PITPNM3: variants seen among roughly 807,000 people sequenced by gnomAD.
PITPNM3 encodes the protein PITPNM family member 3, also known as membrane-associated phosphatidylinositol transfer protein 3.
Under a neutral mutation model 102.0 loss-of-function variants are expected in PITPNM3, and 26 were observed. The ratio of observed to expected loss-of-function variants is 0.25; its 90% CI spans 0.19 to 0.35. PITPNM3 has a LOEUF of 0.35. Ranked by LOEUF, PITPNM3 falls within the 10% of genes least tolerant of loss-of-function variation. PITPNM3 has a pLI of 1.00. For synonymous variants in PITPNM3, 578 were observed against 558.6 expected, an observed-to-expected ratio of 1.03 and a Z score of -0.49; for missense variants, 1,083 against 1,346.1, an observed-to-expected ratio of 0.80 and a Z score of 3.06.
At chr17:6,495,467 G>A (rs754548948) in intron 4 of PITPNM3, among the ~76,000 whole-genome samples, 10 of 152,156 alleles carry the variant, frequency 6.6e-5, no homozygotes, top group Admixed American at 1.3e-4. Context: ...GGGTGGAGGA[G>A]AGAGTCTTCT....
At chr17:6,539,267 G>A (rs1188070165) in intron 1 of PITPNM3, among the ~76,000 whole-genome samples, 4 of 152,164 alleles carry the variant, frequency 2.6e-5, no homozygotes, top group Admixed American at 1.3e-4. Flanking sequence ...TACTGCAAGG[G>A]GGGTCTGAGA....
chr17:6,516,512 C>T (rs1244773858), intron 3 of PITPNM3, among the ~76,000 whole-genome samples: 6 of 142,676 alleles, frequency 4.2e-5, no homozygotes, highest in Admixed American at 7.7e-5. Flanking sequence ...TGCAGTGAGC[C>T]GAGATGGTGC....
Position 6,457,569 on chromosome 17 carries a change from CGCCTCCA to C in PITPNM3, c.2619+18_2619+24del. ...TTCCCTGACCTCCCTCACAACTCCC[CGCCTCCA>C]GCCCCGCCTCCACCCACCTGGCACT... On this transcript the variant is annotated intron_variant, in intron 19 of 19. Transcript: ENST00000262483. This position sits in a 1 kb window ranked among gnomAD's most constrained non-coding sequence, Gnocchi z 4.7. The C allele has an allele frequency of 6.2e-7, 1 of 1,611,898 alleles. No homozygotes were observed. Among genetic ancestry groups the C allele is most frequent in the Non-Finnish European group, 8.5e-7 (1 of 1,179,536 alleles).
rs1326590656 is a variant in PITPNM3 at position 6,472,960 on chromosome 17, C to G, written c.1259-133G>C. ...GCCTCCCCGGGCTCCCTGCTCCCCA[C>G]GGGAACAAAGCCATTACGTTCAGTT... On this transcript the variant is annotated intron_variant, in intron 10 of 19. Coordinates refer to ENST00000262483, the MANE Select transcript of PITPNM3 (RefSeq NM_031220.4). The surrounding 1 kb of genome is among the most constrained non-coding windows in gnomAD (Gnocchi z 4.1). 4 of 1,112,636 alleles carry G rather than the reference C, an allele frequency of 3.6e-6. No individual in the cohort carries two copies. In the South Asian group the frequency reaches 5.4e-5, roughly 15 times the overall value. 68.9% of individuals were successfully genotyped at this position (1,112,636 alleles called of 1,614,324 possible).
chr17:6,521,783 C>T lies in PITPNM3; in HGVS notation c.226+3573G>A, dbSNP rs116483760. ...AGATCCGTGAATCCCATGAGTCAGACGAATAAAGAAAGAGGCTCCAGGGCC... is the reference window on the plus strand; with the variant it reads ...AGATCCGTGAATCCCATGAGTCAGATGAATAAAGAAAGAGGCTCCAGGGCC... On this transcript the variant is annotated intron_variant, in intron 3 of 19. Coordinates refer to ENST00000262483, the MANE Select transcript of PITPNM3 (RefSeq NM_031220.4). 6.9e-3 allele frequency among the ~76,000 whole-genome samples: 1,056 copies of T among 152,186 alleles called. 11 individuals are homozygous for T. The highest frequency in any genetic ancestry group is 0.024 in the African/African-American group (983 of 41,524).
chr17:6,544,654 T>TCTCTCTCTCTCACACACA (rs376230474), intron 1 of PITPNM3, among the ~76,000 whole-genome samples: 169 of 130,256 alleles, frequency 1.3e-3, no homozygotes, highest in African/African-American at 4.7e-3. Context: ...TCTCTCTCTC[T>TCTCTCTCTCTCACACACA]CACACACACA....
chr17:6,507,567 G>C (rs1158105583), intron 3 of PITPNM3, among the ~76,000 whole-genome samples: 1 of 150,706 alleles, frequency 6.6e-6, no homozygotes, highest in East Asian at 1.9e-4. Flanking sequence ...CTGGGCAACG[G>C]AGTGAGACTC....
intron 1 of PITPNM3, among the ~76,000 whole-genome samples, chr17:6,544,513 C>A (rs1221921271): frequency 1.3e-5 from 2 of 151,900 alleles, no homozygotes; most frequent in Non-Finnish European, 2.9e-5. Context: ...GCCTGGGGAA[C>A]AGAGTGAGCC....
chr17:6,475,414 T>G (rs1905259026), intron 9 of PITPNM3, among the ~76,000 whole-genome samples: 1 of 151,922 alleles, frequency 6.6e-6, no homozygotes, highest in Non-Finnish European at 1.5e-5. Flanking sequence ...CAGCTTAGAG[T>G]GAATCGATTA....
At chr17:6,497,959 C>T (rs971270866) in intron 4 of PITPNM3, among the ~76,000 whole-genome samples, 2 of 152,182 alleles carry the variant, frequency 1.3e-5, no homozygotes, top group East Asian at 1.9e-4. Flanking sequence ...AGGCATGGAG[C>T]GGGTGAGGCA....
At chr17:6,514,910 G>T (rs1908069068) in intron 3 of PITPNM3, among the ~76,000 whole-genome samples, 1 of 152,174 alleles carries the variant, frequency 6.6e-6, no homozygotes, top group African/African-American at 2.4e-5. Context: ...GTAATATTCA[G>T]CCATAAAACA....
Position 6,457,818 on chromosome 17 carries a change from C to T in PITPNM3, c.2491-96G>A. On this transcript the variant is annotated intron_variant, in intron 18 of 19. Coordinates refer to ENST00000262483, the MANE Select transcript of PITPNM3 (RefSeq NM_031220.4). The surrounding 1 kb of genome is among the most constrained non-coding windows in gnomAD (Gnocchi z 4.7). ...CCCAGGGGGCCCCTGCTTGGGGACC[C>T]TTTATGTGCACTCTGGTAGACTCCA... is the stretch of plus-strand genomic sequence containing the variant. The T allele has an allele frequency of 2.0e-6, 3 of 1,485,732 alleles. No homozygotes were observed. The highest frequency in any genetic ancestry group is 2.7e-6 in the Non-Finnish European group (3 of 1,098,204). The allele number at this position is 1,485,732 out of a possible 1,614,324, so 92.0% of individuals were successfully genotyped here. A position where few individuals can be genotyped will look rare whatever the true frequency, so the allele number is the denominator to read the frequency against.
At chr17:6,521,943 AC>A (rs1908549257) in intron 3 of PITPNM3, among the ~76,000 whole-genome samples, 2 of 152,186 alleles carry the variant, frequency 1.3e-5, no homozygotes, top group African/African-American at 4.8e-5. Flanking sequence ...TACAAAAAGA[AC>A]CTTCTTTGCG....
intron 4 of PITPNM3, among the ~76,000 whole-genome samples, chr17:6,488,042 C>T (rs1448705918): frequency 1.3e-5 from 2 of 152,158 alleles, no homozygotes; most frequent in Non-Finnish European, 2.9e-5. Flanking sequence ...CAGATTCTGG[C>T]CCCTTGAGAG....
Position 6,520,435 on chromosome 17 carries a change from C to T in PITPNM3, c.226+4921G>A, listed in dbSNP as rs117642054. Among the ~76,000 whole-genome samples, 1,219 of 152,236 alleles carry T rather than the reference C, an allele frequency of 8.0e-3. 8 individuals are homozygous for T. Among genetic ancestry groups the T allele is most frequent in the Non-Finnish European group, 0.013 (910 of 68,026 alleles). On this transcript the variant is annotated intron_variant, in intron 3 of 19. Transcript: ENST00000262483. Reference sequence around the variant, plus strand: ...AACTATAGTAGAGAATATTATAGTACAGGTAAAGAGAACAGAGTGAATCTA... The same window carrying T: ...AACTATAGTAGAGAATATTATAGTATAGGTAAAGAGAACAGAGTGAATCTA...
At chr17:6,529,696 C>T (rs1210912880) in intron 2 of PITPNM3, among the ~76,000 whole-genome samples, 5 of 152,208 alleles carry the variant, frequency 3.3e-5, no homozygotes, top group Admixed American at 2.6e-4. Context: ...TCCAGTACCA[C>T]TCATCATCAG....
rs1567679818 is a variant in PITPNM3, at chr17:6,505,198, AT to A, written c.227-1625del. 2.7e-5 allele frequency among the ~76,000 whole-genome samples: 4 copies of A among 145,848 alleles called. 1 individual carries two copies. Among genetic ancestry groups the A allele is most frequent in the African/African-American group, 1.1e-4 (4 of 37,920 alleles). ...CTCCAAAAAAGAAGACAAATAAAAT[AT>A]ATATATATATATATATGTAAAGCCT... On this transcript the variant is annotated intron_variant, in intron 3 of 19. Coordinates refer to ENST00000262483, the MANE Select transcript of PITPNM3 (RefSeq NM_031220.4).
At chr17:6,477,366 A>G (rs1271739925) in intron 8 of PITPNM3, among the ~76,000 whole-genome samples, 153 bp from the exon 9 acceptor site, 1 of 152,110 alleles carries the variant, frequency 6.6e-6, no homozygotes, top group Non-Finnish European at 1.5e-5. Flanking sequence ...CCACATTGCA[A>G]TCATGGTAGG....
At chr17:6,456,359 C>T (rs1003280594) in intron 19 of PITPNM3, among the ~76,000 whole-genome samples, 1 of 152,130 alleles carries the variant, frequency 6.6e-6, no homozygotes, top group Admixed American at 6.5e-5. Context: ...TGTCACTTGG[C>T]TCACTAGAAT....
Sources: gnomAD v4.1 joint callset for allele counts (sites outside exome capture counted in the v4.1 genomes callset) on GRCh38, gnomAD v4.1.1 for gene constraint, Gnocchi (gnomAD v3.1) non-coding constraint, MANE v1.5 for transcripts, NCBI Gene and HGNC (gene_info 2026-07-23, HGNC 2026-07-21) for gene names.